The following BAG5 variants were observed in gnomAD, a reference collection of about 807,000 sequenced individuals.
The protein encoded by BAG5 is BAG family molecular chaperone regulator 5.
Under a neutral mutation model 31.8 loss-of-function variants are expected in BAG5, and 25 were observed. The observed-to-expected ratio is 0.79, with a 90% CI of 0.57 to 1.10. BAG5 has a LOEUF of 1.10. Among genes scored for constraint, BAG5 ranks in the 50% least tolerant of loss-of-function variants. The pLI is 0.00. For missense variants in BAG5, 491 were observed against 527.9 expected (o/e 0.93, Z 0.68); for synonymous variants, 208 against 205.0 (o/e 1.01, Z -0.13).
At position 103,561,086 on chromosome 14, in the gene BAG5, C is replaced by T; in HGVS notation, c.79G>A (p.Val27Ile). Residue 27 changes from valine to isoleucine, a missense_variant, in exon 2 of 2, where the codon GTT becomes ATT. Val to Ile is a conservative substitution (Grantham distance 29). Transcript: ENST00000299204. Reference sequence around the variant, plus strand: ...TCTGACAGACCACTGAAGCCGATAACTTGCTGTTCTACACTTTTTACTTCC... The same window carrying T: ...TCTGACAGACCACTGAAGCCGATAATTTGCTGTTCTACACTTTTTACTTCC... ...QKEVKSVEQQ[V>I]IGFSGLSDDK... is the part of the protein sequence containing the mutation. The T allele has an allele frequency of 6.2e-7, 1 of 1,609,374 alleles. No individual in the cohort carries two copies. The highest frequency in any genetic ancestry group is 8.5e-7 in the Non-Finnish European group (1 of 1,180,006).
In BAG5 at chr14:103,557,394, A is replaced by G. The variant is rs1469904505; in HGVS notation, c.*2427T>C. 3 of 152,234 alleles carry G rather than the reference A, an allele frequency of 2.0e-5. No individual in the cohort carries two copies. The highest frequency in any genetic ancestry group is 4.4e-5 in the Non-Finnish European group (3 of 68,038). The allele number at this position is 152,234 out of a possible 1,614,324, so 9.4% of individuals were successfully genotyped here. ...GAAACAAAGCCATGCCTGACAGTCAATCAAGGTCAATCTGATCATTTCCAT... is the reference window on the plus strand; with the variant it reads ...GAAACAAAGCCATGCCTGACAGTCAGTCAAGGTCAATCTGATCATTTCCAT... On this transcript the variant is annotated 3_prime_UTR_variant, in exon 2 of 2. Coordinates refer to ENST00000299204, the MANE Select transcript of BAG5 (RefSeq NM_001015048.3).
intron 1 of BAG5, 80 bp from the exon 2 acceptor site, chr14:103,561,272 A>T (rs2076071746): frequency 1.4e-6 from 2 of 1,426,678 alleles, no homozygotes; most frequent in Admixed American, 4.6e-5. Flanking sequence ...TCATTCTAAA[A>T]TTCTCATTTT....
intron 1 of BAG5, chr14:103,562,349 G>A (rs1258931508): frequency 1.3e-5 from 4 of 300,078 alleles, no homozygotes; most frequent in East Asian, 1.8e-4. Flanking sequence ...GCGCGCGAGG[G>A]GAGCTCGGCC....
rs760787709 is a variant in BAG5, at chr14:103,559,870, T to C, written c.1295A>G (p.Gln432Arg). 3 of 1,614,154 alleles carry C rather than the reference T, an allele frequency of 1.9e-6. No individual in the cohort carries two copies. Reference sequence around the variant, plus strand: ...CAGGTCGAGATAGCTGAGAATATTCTGCGCAAGCCTCACAGCTTGTTTCCT... The same window carrying C: ...CAGGTCGAGATAGCTGAGAATATTCCGCGCAAGCCTCACAGCTTGTTTCCT... ...AARKQAVRLA[Q>R]NILSYLDLKS... The change falls in exon 2 of 2, where the codon CAG (glutamine) becomes CGG (arginine). Residue 432 changes from glutamine to arginine, a missense_variant. Gln to Arg is a conservative substitution (Grantham distance 43, BLOSUM62 1). Transcript: ENST00000299204.
Position 103,560,184 on chromosome 14 carries a change from G to T in BAG5, c.981C>A (p.Cys327Ter). Residue 327 changes from cysteine (C) to a stop codon, truncating the protein, a stop_gained, in exon 2 of 2, where the codon TGC becomes TGA. Coordinates refer to ENST00000299204, the MANE Select transcript of BAG5 (RefSeq NM_001015048.3). LOFTEE classifies it high-confidence loss of function. The stretch of plus-strand genomic sequence containing the variant: ...CTGCTCTTCTCCTGGCTTCCCGGAT[G>T]CAGGGGTTTTTTTCAAGACTTACCT... Reference protein sequence around the residue: ...LDEVSLEKNPCIREARRRAVI... With the variant: ...LDEVSLEKNP 1 of 1,614,158 alleles carries T rather than the reference G, an allele frequency of 6.2e-7. No individual in the cohort carries two copies. The highest frequency in any genetic ancestry group is 8.5e-7 in the Non-Finnish European group (1 of 1,180,030).
chr14:103,561,915 C>T (rs1394864910), intron 1 of BAG5: 2 of 1,606,176 alleles, frequency 1.2e-6, no homozygotes, highest in Non-Finnish European at 1.7e-6. Context: ...TCACTCGCCT[C>T]CCACTGGGAG....
Position 103,561,922 on chromosome 14 carries a change from G to C in BAG5, c.-29+694C>G, listed in dbSNP as rs550905580. On this transcript the variant is annotated intron_variant, in intron 1 of 1. Coordinates refer to ENST00000299204, the MANE Select transcript of BAG5 (RefSeq NM_001015048.3). ...TAATTCATTCACTCGCCTCCCACTG[G>C]GAGTCCACAATGGCCTAATGCACGT... 9 of 1,609,870 alleles carry C rather than the reference G, an allele frequency of 5.6e-6. No individual in the cohort carries two copies. The highest frequency in any genetic ancestry group is 6.8e-6 in the Non-Finnish European group (8 of 1,176,258).
In BAG5 at chr14:103,561,016, A is replaced by C; in HGVS notation, c.149T>G (p.Leu50Arg). The C allele has an allele frequency of 1.2e-6, 2 of 1,614,056 alleles. No homozygotes were observed. Among genetic ancestry groups the C allele is most frequent in the African/African-American group, 2.7e-5 (2 of 75,048 alleles). ...KKLERILTKQ[L>R]FEIDSVDTEG... Reference sequence around the variant, plus strand: ...AGTATCTACAGAGTCTATTTCAAAAAGCTGTTTTGTTAGAATCCTCTCCAG... The same window carrying C: ...AGTATCTACAGAGTCTATTTCAAAACGCTGTTTTGTTAGAATCCTCTCCAG... Residue 50 changes from leucine (L) to arginine (R), a missense_variant, in exon 2 of 2, where the codon CTT becomes CGT. Physicochemically the swap from Leu to Arg is moderately radical, Grantham distance 102. Coordinates refer to ENST00000299204, the MANE Select transcript of BAG5 (RefSeq NM_001015048.3).
rs2076051700 is a variant in BAG5, at chr14:103,558,636, C to T, written c.*1185G>A. The T allele has an allele frequency of 6.6e-6, 1 of 152,258 alleles. No individual in the cohort carries two copies. The highest frequency in any genetic ancestry group is 1.5e-5 in the Non-Finnish European group (1 of 68,062). The allele number at this position is 152,258 out of a possible 1,614,324, so 9.4% of individuals were successfully genotyped here. On this transcript the variant is annotated 3_prime_UTR_variant, in exon 2 of 2. Transcript: ENST00000299204. ...GCTCTTTCAGGCAACAGAGAAACCA[C>T]CACATGCCCATGACATGAGCTCAGT... is the stretch of plus-strand genomic sequence containing the variant.
In BAG5 at chr14:103,560,643, C is replaced by A. The variant is rs750151456; in HGVS notation, c.522G>T (p.Pro174=). 1 of 1,614,176 alleles carries A rather than the reference C, an allele frequency of 6.2e-7. No individual in the cohort carries two copies. Among genetic ancestry groups the A allele is most frequent in the Non-Finnish European group, 8.5e-7 (1 of 1,180,036 alleles). ...CGGAAGGATGTGCATCCTCGGAAAG[C>A]GGCAGGGAAGGCTGCTTTTTCATGC... ...EDCMKKQPSL[P]LSEDAHPSVA... Residue 174 remains proline (P), a synonymous_variant, in exon 2 of 2, where the codon CCG becomes CCT. Transcript: ENST00000299204.
intron 1 of BAG5, chr14:103,561,714 C>T (rs1045320756): frequency 5.2e-6 from 3 of 575,188 alleles, no homozygotes; most frequent in South Asian, 4.3e-5. Context: ...CCTTTTAGCT[C>T]CTCACACATC....
chr14:103,561,548 C>T (rs968850324), intron 1 of BAG5, among the ~76,000 whole-genome samples: 18 of 152,176 alleles, frequency 1.2e-4, no homozygotes, highest in Non-Finnish European at 2.4e-4. Flanking sequence ...ACCTTCCGAA[C>T]ACTAACAGTA....
At chr14:103,561,756 A>G (rs2076076844) in intron 1 of BAG5, 1 of 619,136 alleles carries the variant, frequency 1.6e-6, no homozygotes, top group Non-Finnish European at 2.9e-6. Context: ...GAAGAGATTA[A>G]AACCCCACAG....
Position 103,561,082 on chromosome 14 carries a change from A to G in BAG5, c.83T>C (p.Ile28Thr), listed in dbSNP as rs753187302. ...GTCATCTGACAGACCACTGAAGCCG[A>G]TAACTTGCTGTTCTACACTTTTTAC... ...KEVKSVEQQV[I>T]GFSGLSDDKN... The change falls in exon 2 of 2, where the codon ATC becomes ACC. Residue 28 changes from isoleucine to threonine, a missense_variant. By Grantham distance (89) the Ile-to-Thr change is moderately conservative. Coordinates refer to ENST00000299204, the MANE Select transcript of BAG5 (RefSeq NM_001015048.3). 3.1e-6 allele frequency: 5 copies of G among 1,610,220 alleles called. No homozygotes were observed. The Admixed American group carries it at 8.3e-5, about 27-fold the overall frequency.
chr14:103,561,962 T>A lies in BAG5; in HGVS notation c.-29+654A>T. On this transcript the variant is annotated intron_variant, in intron 1 of 1. Coordinates refer to ENST00000299204, the MANE Select transcript of BAG5 (RefSeq NM_001015048.3). ...CTAATGCACGTTTCAAGCTCTTGGT[T>A]TCTATCAAACGGCTCGCTCAAGGTG... is the stretch of plus-strand genomic sequence containing the variant. 2 of 1,614,020 alleles carry A rather than the reference T, an allele frequency of 1.2e-6. No homozygotes were observed. The highest frequency in any genetic ancestry group is 1.6e-4 in the Middle Eastern group (1 of 6,062).
At chr14:103,562,559 G>T (rs1194569858) in intron 1 of BAG5, 57 bp downstream of exon 1, 1 of 159,726 alleles carries the variant, frequency 6.3e-6, no homozygotes, top group Admixed American at 6.5e-5. Context: ...GCGCGGAGGT[G>T]GTGCCCCACT....
chr14:103,559,457 C>T lies in BAG5; in HGVS notation c.*364G>A. ...AAATTTCCCCTTTCTCATAATTTTC[C>T]TAGTATTATGTAAGGTTATGCCTAG... On this transcript the variant is annotated 3_prime_UTR_variant, in exon 2 of 2. Transcript: ENST00000299204. 5.5e-6 allele frequency: 1 copy of T among 182,420 alleles called. No individual in the cohort carries two copies. The allele number at this position is 182,420 out of a possible 1,614,324, so 11.3% of individuals were successfully genotyped here.
rs1019682000 is a variant in BAG5 at position 103,560,382 on chromosome 14, T to C, written c.783A>G (p.Glu261=). Residue 261 remains glutamate (E), a synonymous_variant, in exon 2 of 2, where the codon GAA becomes GAG. Coordinates refer to ENST00000299204, the MANE Select transcript of BAG5 (RefSeq NM_001015048.3). ...KLLKYLDLEE[E]ADTTKAFDLR... The stretch of plus-strand genomic sequence containing the variant: ...GGTCAAATGCTTTAGTTGTGTCTGC[T>C]TCCTCTTCCAAATCCAGATATTTCA... 1 of 1,614,222 alleles carries C rather than the reference T, an allele frequency of 6.2e-7. No individual in the cohort carries two copies. The highest frequency in any genetic ancestry group is 8.5e-7 in the Non-Finnish European group (1 of 1,180,042).
chr14:103,558,829 G>C lies in BAG5; in HGVS notation c.*992C>G, dbSNP rs142926576. 2.0e-5 allele frequency: 3 copies of C among 152,154 alleles called. No homozygotes were observed. The highest frequency in any genetic ancestry group is 4.4e-5 in the Non-Finnish European group (3 of 68,024). The allele number at this position is 152,154 out of a possible 1,614,324, so 9.4% of individuals were successfully genotyped here. Reference sequence around the variant, plus strand: ...GGTTACTGACAGCGTCTACCCTCACGTTGTAAAACAGCACCGGGGAGGTGT... The same window carrying C: ...GGTTACTGACAGCGTCTACCCTCACCTTGTAAAACAGCACCGGGGAGGTGT... On this transcript the variant is annotated 3_prime_UTR_variant, in exon 2 of 2. Coordinates refer to ENST00000299204, the MANE Select transcript of BAG5 (RefSeq NM_001015048.3).
Sources: allele counts gnomAD v4.1 joint callset (sites outside exome capture counted in the v4.1 genomes callset), GRCh38; gene constraint gnomAD v4.1.1; transcripts MANE v1.5; gene names NCBI Gene and HGNC (gene_info 2026-07-23, HGNC 2026-07-21).